Variants in PALLD observed in about 807,000 individuals in gnomAD.
PALLD encodes the protein palladin, cytoskeletal associated protein.
Under a neutral mutation model 123.5 loss-of-function variants are expected in PALLD, and 61 were observed. The observed-to-expected ratio is 0.49, with a 90% confidence interval of 0.40 to 0.61. The LOEUF (loss-of-function observed/expected upper bound fraction) is 0.61. PALLD is among the 20% of genes least tolerant of loss of function. PALLD has a pLI of 0.00. For missense variants in PALLD, 1,273 were observed against 1,377.0 expected, an observed-to-expected ratio of 0.92 and a Z score of 1.20; for synonymous variants, 465 against 496.4, an observed-to-expected ratio of 0.94 and a Z score of 0.84.
chr4:168,921,758 A>G lies in PALLD; in HGVS notation c.3058+17A>G. On this transcript the variant is annotated intron_variant, in intron 18 of 21. Transcript: ENST00000505667. The stretch of plus-strand genomic sequence containing the variant: ...TGGTTGCTGGTAGGCTCATCTGTGA[A>G]TCCTTGCTCTCTGACAGAATGAACA... 3 of 1,585,282 alleles carry G rather than the reference A, an allele frequency of 1.9e-6. No homozygotes were observed. Among genetic ancestry groups the G allele is most frequent in the Non-Finnish European group, 2.6e-6 (3 of 1,155,800 alleles).
At chr4:168,714,109 T>C (rs1785111188) in intron 10 of PALLD, among the ~76,000 whole-genome samples, 1 of 151,998 alleles carries the variant, frequency 6.6e-6, no homozygotes, top group Non-Finnish European at 1.5e-5. Context: ...AATTTTCTTA[T>C]GATTTAGAAT....
chr4:168,791,696 T>C (rs184734107), intron 10 of PALLD, among the ~76,000 whole-genome samples: 1 of 152,320 alleles, frequency 6.6e-6, no homozygotes, highest in Non-Finnish European at 1.5e-5. Context: ...TATCAGATCC[T>C]GATAGATTTT....
chr4:168,824,659 T>TAA (rs564097427), intron 10 of PALLD, among the ~76,000 whole-genome samples: 4 of 149,814 alleles, frequency 2.7e-5, no homozygotes, highest in African/African-American at 9.8e-5. Flanking sequence ...AAATCTTGGG[T>TAA]AAAAAAAAAA....
intron 10 of PALLD, 23 bp from the exon 11 acceptor site, chr4:168,890,899 T>C (rs1754061570): frequency 6.2e-7 from 1 of 1,613,634 alleles, no homozygotes; most frequent in Non-Finnish European, 8.5e-7. Context: ...CTAACTATAC[T>C]GCCTTGTGTT....
At chr4:168,655,682 T>C (rs986368676) in intron 2 of PALLD, among the ~76,000 whole-genome samples, 2 of 152,250 alleles carry the variant, frequency 1.3e-5, no homozygotes, top group African/African-American at 2.4e-5. Flanking sequence ...TCTCAATCTC[T>C]TCTTCCATTC....
chr4:168,501,739 A>C (rs1761429060), intron 1 of PALLD, among the ~76,000 whole-genome samples: 1 of 152,142 alleles, frequency 6.6e-6, no homozygotes, highest in African/African-American at 2.4e-5. Context: ...AAGGAACCTA[A>C]AGGACCATTG....
chr4:168,850,200 C>T lies in PALLD; in HGVS notation c.1965-40722C>T, dbSNP rs561627727. On this transcript the variant is annotated intron_variant, in intron 10 of 21. Transcript: ENST00000505667. ...CAGAACCAAGCGTGGGGGTAGCTCG[C>T]GAGGCCTCAGCCCTCCTGCTCCTGT... is the stretch of plus-strand genomic sequence containing the variant. Among the ~76,000 whole-genome samples the T allele has an allele frequency of 2.6e-4, 40 of 152,188 alleles. 1 individual carries two copies. The South Asian group carries it at 6.0e-3, about 23-fold the overall frequency.
rs1443496267 is a variant in PALLD, at chr4:168,579,736, AT to A, written c.908+67331del. ...GTTCTTATCTGACATGTAAGACATA[AT>A]TTTTTTCTGGAATTTTATTTTATTT... On this transcript the variant is annotated intron_variant, in intron 2 of 21. Transcript: ENST00000505667. Among the ~76,000 whole-genome samples the A allele has an allele frequency of 5.3e-5, 8 of 152,018 alleles. No individual in the cohort carries two copies. In the South Asian group the frequency reaches 1.5e-3, roughly 28 times the overall value.
At chr4:168,537,450 C>G (rs1765205589) in intron 2 of PALLD, among the ~76,000 whole-genome samples, 1 of 152,210 alleles carries the variant, frequency 6.6e-6, no homozygotes, top group Non-Finnish European at 1.5e-5. Context: ...TTCTGCTCAT[C>G]TGGTATACTG....
chr4:168,693,215 C>T (rs576915147), intron 8 of PALLD, among the ~76,000 whole-genome samples: 9 of 149,026 alleles, frequency 6.0e-5, no homozygotes, highest in African/African-American at 2.3e-4. Context: ...TTTCAGATCT[C>T]CCCTGCGCCC....
chr4:168,720,729 G>A (rs1033444144), intron 10 of PALLD, among the ~76,000 whole-genome samples: 1 of 152,160 alleles, frequency 6.6e-6, no homozygotes, highest in East Asian at 1.9e-4. Context: ...TTAAGAGAAA[G>A]GCATATCCTA....
intron 11 of PALLD, 92 bp from the exon 12 acceptor site, chr4:168,894,487 G>A (rs1325410848): frequency 2.5e-6 from 2 of 787,328 alleles, no homozygotes; most frequent in Admixed American, 2.0e-5. Context: ...AGAAAATCAT[G>A]AAAGTGTGTT....
intron 13 of PALLD, among the ~76,000 whole-genome samples, chr4:168,897,354 A>T (rs952237702): frequency 2.0e-5 from 3 of 152,236 alleles, no homozygotes; most frequent in Non-Finnish European, 2.9e-5. Context: ...TGTTTTTTAA[A>T]CACTGAGTAA....
intron 13 of PALLD, among the ~76,000 whole-genome samples, chr4:168,896,906 A>G (rs1358587201): frequency 1.3e-5 from 2 of 152,062 alleles, no homozygotes; most frequent in African/African-American, 2.4e-5. Context: ...ATCTTGGCTC[A>G]CTGCAACCTC....
intron 18 of PALLD, among the ~76,000 whole-genome samples, chr4:168,923,768 G>A (rs1762037063): frequency 6.6e-6 from 1 of 152,088 alleles, no homozygotes; most frequent in Admixed American, 6.5e-5. Context: ...TAAATTCTAT[G>A]GCATGTCTCA....
intron 2 of PALLD, among the ~76,000 whole-genome samples, chr4:168,526,740 C>A (rs1176770524): frequency 3.9e-5 from 6 of 152,046 alleles, no homozygotes; most frequent in African/African-American, 1.4e-4. Context: ...CACAGCCTCA[C>A]CTGTATGGAT....
In PALLD at chr4:168,831,451, C is replaced by T. The variant is rs143550512; in HGVS notation, c.1965-59471C>T. Among the ~76,000 whole-genome samples, 56 of 152,312 alleles carry T rather than the reference C, an allele frequency of 3.7e-4. 1 individual carries two copies. Among genetic ancestry groups the T allele is most frequent in the Middle Eastern group, 3.4e-3 (1 of 294 alleles). The stretch of plus-strand genomic sequence containing the variant: ...CTCCTGAATTTAGCTTTTTATTACA[C>T]AGAACCCAGTAAACTAATTAATGGA... On this transcript the variant is annotated intron_variant, in intron 10 of 21. Coordinates refer to ENST00000505667, the MANE Select transcript of PALLD (RefSeq NM_001166108.2).
At chr4:168,509,621 G>A (rs1762343329) in intron 1 of PALLD, among the ~76,000 whole-genome samples, 1 of 152,164 alleles carries the variant, frequency 6.6e-6, no homozygotes, top group African/African-American at 2.4e-5. Flanking sequence ...TAAAGTCAGG[G>A]AGAATGATGA....
intron 10 of PALLD, among the ~76,000 whole-genome samples, chr4:168,740,798 T>C (rs1294952766): frequency 1.3e-5 from 2 of 152,246 alleles, no homozygotes; most frequent in East Asian, 3.8e-4. Flanking sequence ...ATGAAATGGA[T>C]ATAAATCCTC....
Sources: gnomAD v4.1 joint callset for allele counts (sites outside exome capture counted in the v4.1 genomes callset) on GRCh38, gnomAD v4.1.1 for gene constraint, MANE v1.5 for transcripts, NCBI Gene and HGNC (gene_info 2026-07-23, HGNC 2026-07-21) for gene names.